The following GCGR variants were observed in gnomAD, a reference collection of about 807,000 sequenced individuals.
GCGR encodes the protein glucagon receptor.
In GCGR, 41 loss-of-function variants were observed where a neutral mutation model predicts 56.1. The ratio of observed to expected loss-of-function variants is 0.73; its 90% CI spans 0.57 to 0.95. The LOEUF (loss-of-function observed/expected upper bound fraction) is 0.95, where lower values mean the gene tolerates loss of function less well. Ranked by LOEUF, GCGR falls within the 40% of genes least tolerant of loss-of-function variation. GCGR has a pLI of 0.00. For synonymous variants in GCGR, 278 were observed against 271.1 expected (o/e 1.03, Z -0.25); for missense variants, 595 against 638.2 (o/e 0.93, Z 0.73).
intron 2 of GCGR, among the ~76,000 whole-genome samples, chr17:81,809,286 G>A (rs1027999662): frequency 1.4e-5 from 2 of 147,962 alleles, no homozygotes; most frequent in African/African-American, 2.5e-5. Context: ...CTGTCTGCCT[G>A]TCCGTCTGCC....
intron 2 of GCGR, 76 bp from the exon 3 acceptor site, chr17:81,809,694 CCTGCCTGCCTGT>C: frequency 2.2e-6 from 2 of 916,316 alleles, no homozygotes; most frequent in Non-Finnish European, 3.3e-6. Flanking sequence ...TATCCATCTA[CCTGCCTGCCTGT>C]CTGCCTGTCT....
intron 3 of GCGR, 88 bp downstream of exon 3, chr17:81,809,972 G>A (rs2038060796): frequency 9.4e-7 from 1 of 1,067,172 alleles, no homozygotes; most frequent in Non-Finnish European, 1.4e-6. Flanking sequence ...GGGTGCTTAT[G>A]CAGCCTTTGA....
rs1598236171 is a variant in GCGR at position 81,809,812 on chromosome 17, T to C, written c.91T>C (p.Phe31Leu). ...GGTCCCCTCCGCTCAGGTGATGGAC[T>C]TCCTGTTTGAGAAGTGGAAGCTCTA... ...PQVPSAQVMD[F>L]LFEKWKLYGD... Residue 31 changes from phenylalanine to leucine, a missense_variant, in exon 3 of 14, where the codon TTC becomes CTC. Phe to Leu is a conservative substitution (Grantham distance 22). Transcript: ENST00000400723. 1 of 1,536,716 alleles carries C rather than the reference T, an allele frequency of 6.5e-7. No homozygotes were observed. Among genetic ancestry groups the C allele is most frequent in the East Asian group, 2.4e-5 (1 of 40,924 alleles).
chr17:81,810,265 T>C lies in GCGR; in HGVS notation c.163+381T>C. On this transcript the variant is annotated intron_variant, in intron 3 of 13. Transcript: ENST00000400723. The surrounding 1 kb of genome is among the most constrained non-coding windows in gnomAD (Gnocchi z 4.6). ...GGGCTCGGGTGGAGAGTGTATATCATGGCCTGGACACTTGGGGTGCAGGGA... is the reference window on the plus strand; with the variant it reads ...GGGCTCGGGTGGAGAGTGTATATCACGGCCTGGACACTTGGGGTGCAGGGA... 1 of 367,244 alleles carries C rather than the reference T, an allele frequency of 2.7e-6. No individual in the cohort carries two copies. Among genetic ancestry groups the C allele is most frequent in the Non-Finnish European group, 5.3e-6 (1 of 189,912 alleles). The allele number at this position is 367,244 out of a possible 1,614,324, so 22.7% of individuals were successfully genotyped here.
chr17:81,813,852 T>C lies in GCGR; in HGVS notation c.*163T>C, dbSNP rs2038158537. On this transcript the variant is annotated 3_prime_UTR_variant, in exon 14 of 14. Transcript: ENST00000400723. The surrounding 1 kb of genome is among the most constrained non-coding windows in gnomAD (Gnocchi z 5.3). ...GCTGTCTGCGAGATTGGGCCTCCTC[T>C]CCCTGCACCTGCCTTGTCCCTGGTG... The C allele has an allele frequency of 1.5e-6, 1 of 648,204 alleles. No homozygotes were observed. The highest frequency in any genetic ancestry group is 2.7e-5 in the East Asian group (1 of 36,554). The allele number at this position is 648,204 out of a possible 1,614,324, so 40.2% of individuals were successfully genotyped here.
Position 81,809,796 on chromosome 17 carries a change from C to A in GCGR, c.75C>A (p.Ser25=). Residue 25 remains serine, a synonymous_variant, in exon 3 of 14, where the codon TCC becomes TCA. Coordinates refer to ENST00000400723, the MANE Select transcript of GCGR (RefSeq NM_000160.5). ...GTGTCCCCCAGCCACAGGTCCCCTC[C>A]GCTCAGGTGATGGACTTCCTGTTTG... ...LLLACQPQVP[S]AQVMDFLFEK... 1 of 1,536,556 alleles carries A rather than the reference C, an allele frequency of 6.5e-7. No homozygotes were observed. The highest frequency in any genetic ancestry group is 8.7e-7 in the Non-Finnish European group (1 of 1,146,794).
Position 81,809,837 on chromosome 17 carries a change from A to G in GCGR, c.116A>G (p.Tyr39Cys). The G allele has an allele frequency of 6.5e-7, 1 of 1,536,572 alleles. No homozygotes were observed. The highest frequency in any genetic ancestry group is 8.7e-7 in the Non-Finnish European group (1 of 1,146,894). ...MDFLFEKWKLYGDQCHHNLSL... is the reference protein window; with the variant it reads ...MDFLFEKWKLCGDQCHHNLSL... ...TTCCTGTTTGAGAAGTGGAAGCTCT[A>G]CGGTGACCAGTGTCACCACAACCTG... is the stretch of plus-strand genomic sequence containing the variant. Residue 39 changes from tyrosine (Y) to cysteine (C), a missense_variant, in exon 3 of 14, where the codon TAC becomes TGC. Physicochemically the swap from Tyr to Cys is radical, Grantham distance 194 (BLOSUM62 -2). Transcript: ENST00000400723.
In GCGR at chr17:81,813,154, G is replaced by A; in HGVS notation, c.1218+97G>A. On this transcript the variant is annotated intron_variant, in intron 13 of 13. Coordinates refer to ENST00000400723, the MANE Select transcript of GCGR (RefSeq NM_000160.5). The surrounding 1 kb of genome is among the most constrained non-coding windows in gnomAD (Gnocchi z 5.3). Reference sequence around the variant, plus strand: ...GATGCCAGCCCCACCCCTGCCCGGGGGTTGGAACACGTGGGGCCCAAGCCT... The same window carrying A: ...GATGCCAGCCCCACCCCTGCCCGGGAGTTGGAACACGTGGGGCCCAAGCCT... 2.0e-6 allele frequency: 3 copies of A among 1,508,390 alleles called. No individual in the cohort carries two copies. Among genetic ancestry groups the A allele is most frequent in the Non-Finnish European group, 2.7e-6 (3 of 1,123,618 alleles). 93.4% of individuals were successfully genotyped at this position (1,508,390 alleles called of 1,614,324 possible).
rs1188912160 is a variant in GCGR, at chr17:81,804,885, A to G, written c.-178+636A>G. ...CCACCGGGCTTATGCTCCGACTCTG[A>G]ACCGACTGACCCCGGCCCCCTCGGC... On this transcript the variant is annotated intron_variant, in intron 1 of 13. Coordinates refer to ENST00000400723, the MANE Select transcript of GCGR (RefSeq NM_000160.5). The surrounding 1 kb of genome is among the most constrained non-coding windows in gnomAD (Gnocchi z 8.2). Among the ~76,000 whole-genome samples, 1 of 151,772 alleles carries G rather than the reference A, an allele frequency of 6.6e-6. No individual in the cohort carries two copies. Among genetic ancestry groups the G allele is most frequent in the African/African-American group, 2.4e-5 (1 of 41,286 alleles).
At position 81,812,362 on chromosome 17, in the gene GCGR, G is replaced by A. The variant is rs952579295; in HGVS notation, c.948+110G>A. ...GTCTGAGAGCGCTGGGAGGGAGCCG[G>A]CACCCAGACAGGACACCAGGACACT... On this transcript the variant is annotated intron_variant, in intron 10 of 13. Transcript: ENST00000400723. The surrounding 1 kb of genome is among the most constrained non-coding windows in gnomAD (Gnocchi z 8.5). 28 of 1,294,742 alleles carry A rather than the reference G, an allele frequency of 2.2e-5. No individual in the cohort carries two copies. In the African/African-American group the frequency reaches 4.0e-4, roughly 18 times the overall value. 80.2% of individuals were successfully genotyped at this position (1,294,742 alleles called of 1,614,324 possible). A position where few individuals can be genotyped will look rare whatever the true frequency, so the allele number is the denominator to read the frequency against.
In GCGR at chr17:81,812,912, G is replaced by GTTCTTCTTCGAC; in HGVS notation, c.1143_1144insTTCTTCTTCGAC (p.Lys381_Leu382insPhePhePheAsp). 6.5e-7 allele frequency: 1 copy of GTTCTTCTTCGAC among 1,536,120 alleles called. No individual in the cohort carries two copies. ...CCCAGGGCACCCTGCGCTCCGCCAA[G>GTTCTTCTTCGAC]CTCTTCTTCGACCTCTTCCTCAGCT... On this transcript the variant is annotated inframe_insertion, in exon 12 of 14. Coordinates refer to ENST00000400723, the MANE Select transcript of GCGR (RefSeq NM_000160.5). The surrounding 1 kb of genome is among the most constrained non-coding windows in gnomAD (Gnocchi z 8.5).
chr17:81,805,561 C>A (rs2037942201), intron 1 of GCGR, among the ~76,000 whole-genome samples: 2 of 147,480 alleles, frequency 1.4e-5, no homozygotes, highest in Admixed American at 6.7e-5. Context: ...TTGGGCACCT[C>A]GGGAACCCCC....
intron 1 of GCGR, among the ~76,000 whole-genome samples, chr17:81,805,576 TTGGGCACCTCGGGAACCCCCGCA>T (rs2037943482): frequency 2.1e-5 from 3 of 145,074 alleles, no homozygotes; most frequent in Non-Finnish European, 4.5e-5. Context: ...ACCCCCCACA[TTGGGCACCTCGGGAACCCCCGCA>T]TTGGGCACCT....
At position 81,809,478 on chromosome 17, in the gene GCGR, C is replaced by CCTGCCTGTCCGT. The variant is rs1203283984; in HGVS notation, c.61-284_61-273dup. ...GCCTGTCTGTCTGCCTGCCTGTCTG[C>CCTGCCTGTCCGT]CTGCCTGTCCGTCTGCCTGTCCGTC... On this transcript the variant is annotated intron_variant, in intron 2 of 13. Coordinates refer to ENST00000400723, the MANE Select transcript of GCGR (RefSeq NM_000160.5). 2.7e-3 allele frequency among the ~76,000 whole-genome samples: 298 copies of CCTGCCTGTCCGT among 110,512 alleles called. 3 individuals carry two copies. Among genetic ancestry groups the CCTGCCTGTCCGT allele is most frequent in the African/African-American group, 1.0e-2 (282 of 28,262 alleles). 72.5% of individuals were successfully genotyped at this position (110,512 alleles called of 152,430 possible). A position where few individuals can be genotyped will look rare whatever the true frequency, so the allele number is the denominator to read the frequency against.
Position 81,804,996 on chromosome 17 carries a change from G to T in GCGR, c.-178+747G>T. On this transcript the variant is annotated intron_variant, in intron 1 of 13. Coordinates refer to ENST00000400723, the MANE Select transcript of GCGR (RefSeq NM_000160.5). The surrounding 1 kb of genome is among the most constrained non-coding windows in gnomAD (Gnocchi z 8.2). ...GGTTGGGGGGTCTGGGTGCACCCAC[G>T]CCTGCCCCGCCCCCACGGGGTGAGG... 1 of 152,704 alleles carries T rather than the reference G, an allele frequency of 6.5e-6. No individual in the cohort carries two copies. The highest frequency in any genetic ancestry group is 1.5e-5 in the Non-Finnish European group (1 of 68,384). 9.5% of individuals were successfully genotyped at this position (152,704 alleles called of 1,614,324 possible).
In GCGR at chr17:81,811,374, A is replaced by G; in HGVS notation, c.501-30A>G. 2 of 1,535,578 alleles carry G rather than the reference A, an allele frequency of 1.3e-6. No individual in the cohort carries two copies. The highest frequency in any genetic ancestry group is 1.7e-6 in the Non-Finnish European group (2 of 1,146,294). On this transcript the variant is annotated intron_variant, in intron 6 of 13. Transcript: ENST00000400723. The surrounding 1 kb of genome is among the most constrained non-coding windows in gnomAD (Gnocchi z 5.8). Reference sequence around the variant, plus strand: ...GGGGCGGCCGCAGAGGACAGGGAGGAGGACGGGCGCTGACTGGCTGTGCCC... The same window carrying G: ...GGGGCGGCCGCAGAGGACAGGGAGGGGGACGGGCGCTGACTGGCTGTGCCC...
chr17:81,812,178 C>T lies in GCGR; in HGVS notation c.879-5C>T, dbSNP rs775128259. On this transcript the variant is annotated splice_region_variant and splice_polypyrimidine_tract_variant and intron_variant, in intron 9 of 13. Transcript: ENST00000400723. The surrounding 1 kb of genome is among the most constrained non-coding windows in gnomAD (Gnocchi z 8.5). ...CCCCAGTATGTGAGTGGCCTGGCCT[C>T]GCAGGTGCTGGACCAGCAATGACAA... 17 of 1,536,032 alleles carry T rather than the reference C, an allele frequency of 1.1e-5. No homozygotes were observed. Among genetic ancestry groups the T allele is most frequent in the South Asian group, 2.4e-5 (2 of 84,050 alleles).
rs562421575 is a variant in GCGR, at chr17:81,812,559, C to T, written c.949-18C>T. 967 of 1,533,586 alleles carry T rather than the reference C, an allele frequency of 6.3e-4. 14 individuals are homozygous for T. In the South Asian group the frequency reaches 0.011, roughly 17 times the overall value. The allele number at this position is 1,533,586 out of a possible 1,614,324, so 95.0% of individuals were successfully genotyped here. ...CCTGGGGCTCGGGATGCCCCTGACTCGCACCCTTCTCACACAGATCAACTT... is the reference window on the plus strand; with the variant it reads ...CCTGGGGCTCGGGATGCCCCTGACTTGCACCCTTCTCACACAGATCAACTT... On this transcript the variant is annotated intron_variant, in intron 10 of 13. Coordinates refer to ENST00000400723, the MANE Select transcript of GCGR (RefSeq NM_000160.5). This position sits in a 1 kb window ranked among gnomAD's most constrained non-coding sequence, Gnocchi z 8.5.
At chr17:81,809,736 T>C (rs2038054526) in intron 2 of GCGR, 46 bp from the exon 3 acceptor site, 2 of 1,452,386 alleles carry the variant, frequency 1.4e-6, no homozygotes, top group Non-Finnish European at 9.3e-7. Context: ...TCTGTCTGCC[T>C]GCCTGTCTGT....
Sources: gnomAD v4.1 joint callset for allele counts (sites outside exome capture counted in the v4.1 genomes callset) on GRCh38, gnomAD v4.1.1 for gene constraint, Gnocchi (gnomAD v3.1) non-coding constraint, MANE v1.5 for transcripts, NCBI Gene and HGNC (gene_info 2026-07-23, HGNC 2026-07-21) for gene names.